The following CHRM3 variants were observed in gnomAD, a reference collection of about 807,000 sequenced individuals.
CHRM3 encodes the protein muscarinic acetylcholine receptor M3.
In CHRM3, 11 loss-of-function variants were observed where a neutral mutation model predicts 41.8. The observed-to-expected ratio is 0.26, with a 90% confidence interval of 0.17 to 0.44. CHRM3 has a LOEUF of 0.44. Ranked by LOEUF, CHRM3 falls within the 20% of genes least tolerant of loss-of-function variation. CHRM3 has a pLI of 1.00. For missense variants in CHRM3, 571 were observed against 745.4 expected, an observed-to-expected ratio of 0.77 and a Z score of 2.72; for synonymous variants, 297 against 301.4, an observed-to-expected ratio of 0.99 and a Z score of 0.15.
Position 239,541,548 on chromosome 1 carries a change from G to A in CHRM3, c.-421-4093G>A, listed in dbSNP as rs77511560. Among the ~76,000 whole-genome samples, 481 of 151,834 alleles carry A rather than the reference G, an allele frequency of 3.2e-3. 7 individuals are homozygous for A. In the East Asian group the frequency reaches 0.039, roughly 12 times the overall value. The stretch of plus-strand genomic sequence containing the variant: ...ATTTTTTGAGATAGGGTGTCACTCC[G>A]TCACCCAGGCTGGAGTGCAGTGGCG... On this transcript the variant is annotated intron_variant, in intron 2 of 6. Transcript: ENST00000676153.
At chr1:239,842,164 T>C (rs1336258086) in intron 6 of CHRM3, among the ~76,000 whole-genome samples, 1 of 151,954 alleles carries the variant, frequency 6.6e-6, no homozygotes, top group Non-Finnish European at 1.5e-5. Context: ...TTTCATATCA[T>C]GGAATTATAA....
intron 5 of CHRM3, chr1:239,730,278 A>G (rs1267975848): frequency 1.3e-5 from 2 of 152,044 alleles, no homozygotes; most frequent in African/African-American, 2.4e-5. Flanking sequence ...AACAGAGTAA[A>G]GAGAACTTCA....
chr1:239,514,696 A>T (rs1403743540), intron 2 of CHRM3, among the ~76,000 whole-genome samples: 1 of 152,018 alleles, frequency 6.6e-6, no homozygotes, highest in African/African-American at 2.4e-5. Context: ...TTGTTTCTGA[A>T]CTTAGTGGTG....
At chr1:239,570,835 A>G (rs747336686) in intron 3 of CHRM3, among the ~76,000 whole-genome samples, 2 of 152,170 alleles carry the variant, frequency 1.3e-5, no homozygotes, top group Non-Finnish European at 2.9e-5. Context: ...CTGAATGACT[A>G]GCTTTGAGAT....
intron 4 of CHRM3, among the ~76,000 whole-genome samples, chr1:239,653,585 A>G (rs998741601): frequency 1.3e-5 from 2 of 152,220 alleles, no homozygotes; most frequent in Non-Finnish European, 2.9e-5. Flanking sequence ...TGTAGATACC[A>G]GAAAGTCTGT....
Position 239,455,197 on chromosome 1 carries a change from A to G in CHRM3, c.-520-37512A>G, listed in dbSNP as rs138378228. Among the ~76,000 whole-genome samples the G allele has an allele frequency of 1.6e-3, 248 of 152,100 alleles. 1 individual carries two copies. The highest frequency in any genetic ancestry group is 3.0e-3 in the Non-Finnish European group (201 of 67,976). ...CTCCCAAGTAGCTGAGATTACAAGC[A>G]TACGCTACCACGCCTGGTTAATTTT... On this transcript the variant is annotated intron_variant, in intron 1 of 6. Transcript: ENST00000676153.
chr1:239,558,889 C>G (rs1255611885), intron 3 of CHRM3, among the ~76,000 whole-genome samples: 2 of 152,208 alleles, frequency 1.3e-5, no homozygotes, highest in African/African-American at 4.8e-5. Context: ...TAACTGGTCT[C>G]TGAGCTCCTC....
chr1:239,810,720 TGTTA>T (rs1671054377), intron 5 of CHRM3, among the ~76,000 whole-genome samples: 1 of 152,266 alleles, frequency 6.6e-6, no homozygotes. Flanking sequence ...CTTGATCACT[TGTTA>T]GTGAGAGCTA....
intron 2 of CHRM3, among the ~76,000 whole-genome samples, chr1:239,540,156 T>G (rs1485008074): frequency 1.3e-5 from 2 of 152,220 alleles, no homozygotes; most frequent in African/African-American, 4.8e-5. Context: ...TTTCTCAGAA[T>G]GTGTCCTCAT....
At chr1:239,802,574 G>A (rs1670304078) in intron 5 of CHRM3, among the ~76,000 whole-genome samples, 1 of 152,116 alleles carries the variant, frequency 6.6e-6, no homozygotes, top group South Asian at 2.1e-4. Context: ...CACTTTACAT[G>A]TAAATAGCAG....
intron 1 of CHRM3, among the ~76,000 whole-genome samples, chr1:239,412,404 C>T (rs1661169675): frequency 1.3e-5 from 1 of 79,238 alleles, no homozygotes; most frequent in South Asian, 3.9e-4. Context: ...TTCCTCCAGT[C>T]AGCACTGTTC....
At chr1:239,579,979 AGGTTCC>A (rs1314548362) in intron 3 of CHRM3, among the ~76,000 whole-genome samples, 1 of 152,124 alleles carries the variant, frequency 6.6e-6, no homozygotes, top group Admixed American at 6.6e-5. Context: ...ATATGAACTC[AGGTTCC>A]CTGGCTCCAG....
chr1:239,738,798 A>G (rs1664605044), intron 5 of CHRM3, among the ~76,000 whole-genome samples: 1 of 152,150 alleles, frequency 6.6e-6, no homozygotes, highest in Non-Finnish European at 1.5e-5. Flanking sequence ...CACTTAGAAA[A>G]GCACTGTGTA....
At chr1:239,511,090 T>A (rs1668889353) in intron 2 of CHRM3, among the ~76,000 whole-genome samples, 1 of 152,170 alleles carries the variant, frequency 6.6e-6, no homozygotes, top group African/African-American at 2.4e-5. Context: ...TGAAAAGCCT[T>A]CACTGCTGAG....
chr1:239,654,755 A>G (rs1022987415), intron 4 of CHRM3, among the ~76,000 whole-genome samples: 2 of 152,194 alleles, frequency 1.3e-5, no homozygotes, highest in Non-Finnish European at 2.9e-5. Context: ...ATTGGAACAT[A>G]TATCTGGCGT....
At chr1:239,761,216 C>T (rs1317326932) in intron 5 of CHRM3, among the ~76,000 whole-genome samples, 1 of 152,098 alleles carries the variant, frequency 6.6e-6, no homozygotes, top group East Asian at 1.9e-4. Context: ...CATATTTTAT[C>T]TCTCGACGTT....
At chr1:239,679,774 C>A (rs946434032) in intron 5 of CHRM3, among the ~76,000 whole-genome samples, 3 of 151,900 alleles carry the variant, frequency 2.0e-5, no homozygotes, top group Non-Finnish European at 4.4e-5. Context: ...TAAGAAATTG[C>A]CAAATCAAAA....
chr1:239,779,117 T>C (rs1668320714), intron 5 of CHRM3, among the ~76,000 whole-genome samples: 1 of 152,206 alleles, frequency 6.6e-6, no homozygotes, highest in Non-Finnish European at 1.5e-5. Flanking sequence ...ATTTGGTGTT[T>C]TTTATTTATT....
At chr1:239,732,003 C>T (rs1228524601) in intron 5 of CHRM3, among the ~76,000 whole-genome samples, 1 of 151,966 alleles carries the variant, frequency 6.6e-6, no homozygotes, top group Non-Finnish European at 1.5e-5. Context: ...AGCAACCTTT[C>T]CATTTTAGTT....
Sources: allele counts gnomAD v4.1 joint callset (sites outside exome capture counted in the v4.1 genomes callset), GRCh38; gene constraint gnomAD v4.1.1; transcripts MANE v1.5; gene names NCBI Gene and HGNC (gene_info 2026-07-23, HGNC 2026-07-21).